CNOT1: variants seen among roughly 807,000 people sequenced by gnomAD.
CNOT1 encodes CCR4-associated factor 1.
Under a neutral mutation model 273.8 loss-of-function variants are expected in CNOT1, and 15 were observed. The observed-to-expected ratio is 0.05, with a 90% CI of 0.04 to 0.08. The LOEUF (loss-of-function observed/expected upper bound fraction) is 0.08, where lower values mean the gene tolerates loss of function less well. Among genes scored for constraint, CNOT1 ranks in the 10% least tolerant of loss-of-function variants. The pLI is 1.00. For synonymous variants in CNOT1, 1,022 were observed against 1,005.5 expected (o/e 1.02, Z -0.31); for missense variants, 1,644 against 2,912.2 (o/e 0.56, Z 10.02).
chr16:58,628,429 C>T (rs1415744676), intron 1 of CNOT1, among the ~76,000 whole-genome samples: 1 of 152,138 alleles, frequency 6.6e-6, no homozygotes, highest in East Asian at 1.9e-4. Flanking sequence ...AACCCAAGTA[C>T]CTATAGAAAA....
chr16:58,546,844 A>G, intron 27 of CNOT1, 95 bp from the exon 28 acceptor site: 5 of 1,448,830 alleles, frequency 3.5e-6, no homozygotes, highest in Non-Finnish European at 4.7e-6. Context: ...GGTAGGGGGG[A>G]GTCAAACAAA....
At chr16:58,574,929 A>G in intron 15 of CNOT1, 78 bp downstream of exon 15, 1 of 1,577,050 alleles carries the variant, frequency 6.3e-7, no homozygotes, top group Non-Finnish European at 8.6e-7. Context: ...CTGCTGCACA[A>G]ATTTTAAAAG....
Position 58,538,204 on chromosome 16 carries a change from C to T in CNOT1, c.5198G>A (p.Arg1733His), listed in dbSNP as rs185344213. 9.9e-6 allele frequency: 15 copies of T among 1,521,936 alleles called. No individual in the cohort carries two copies. Among genetic ancestry groups the T allele is most frequent in the East Asian group, 2.2e-5 (1 of 44,454 alleles). The allele number at this position is 1,521,936 out of a possible 1,614,324, so 94.3% of individuals were successfully genotyped here. ...YNVEAVELLI[R>H]NHLVNMQQYD... ...CTGCTGCATATTAACCAAATGATTG[C>T]GAATTAGCAGCTCCACAGCCTCCAC... is the stretch of plus-strand genomic sequence containing the variant. Residue 1733 changes from arginine (R) to histidine (H), a missense_variant, in exon 37 of 49, where the codon CGC becomes CAC. Around this residue, in one of 13 missense-constraint regions of CNOT1, gnomAD observed 170 missense variants for 273.1 expected, o/e 0.62. Transcript: ENST00000317147.
intron 1 of CNOT1, among the ~76,000 whole-genome samples, chr16:58,627,403 C>CAAAAAAAAA (rs754338444): frequency 1.5e-4 from 10 of 65,154 alleles, no homozygotes; most frequent in East Asian, 5.2e-4. Context: ...GACTCCATCT[C>CAAAAAAAAA]AAAAAAAAAA....
intron 21 of CNOT1, among the ~76,000 whole-genome samples, chr16:58,554,719 C>T (rs866673517): frequency 2.0e-5 from 3 of 151,810 alleles, no homozygotes; most frequent in Admixed American, 6.6e-5. Context: ...GTGGATCACC[C>T]GAGGTCAGGA....
At chr16:58,598,801 C>T (rs537619408) in intron 2 of CNOT1, among the ~76,000 whole-genome samples, 1 of 152,160 alleles carries the variant, frequency 6.6e-6, no homozygotes, top group African/African-American at 2.4e-5. Flanking sequence ...GTGGCTCACG[C>T]CTGTAATCCC....
At chr16:58,594,632 C>T (rs950688581) in intron 2 of CNOT1, among the ~76,000 whole-genome samples, 40 of 150,978 alleles carry the variant, frequency 2.6e-4, no homozygotes, top group Admixed American at 4.0e-4. Context: ...GGTGAAACCC[C>T]ACCTCTCTTA....
At chr16:58,603,977 A>C (rs2042573597) in intron 1 of CNOT1, among the ~76,000 whole-genome samples, 1 of 152,236 alleles carries the variant, frequency 6.6e-6, no homozygotes, top group African/African-American at 2.4e-5. Context: ...CATGTCCCAT[A>C]GTAAGAACTC....
chr16:58,521,406 G>A, intron 47 of CNOT1, 89 bp from the exon 48 acceptor site: 1 of 1,363,628 alleles, frequency 7.3e-7, no homozygotes, highest in South Asian at 1.4e-5. Flanking sequence ...ACTTCTCCCT[G>A]ACTATTGAAC....
Position 58,587,186 on chromosome 16 carries a change from G to C in CNOT1, c.433+15C>G. ...AAAGTCTCACTTCGTGATATTTTTGGAAAAAGTAACTCACCGAAACCTCTA... is the reference window on the plus strand; with the variant it reads ...AAAGTCTCACTTCGTGATATTTTTGCAAAAAGTAACTCACCGAAACCTCTA... On this transcript the variant is annotated intron_variant, in intron 6 of 48. Coordinates refer to ENST00000317147, the MANE Select transcript of CNOT1 (RefSeq NM_016284.5). 1 of 1,608,140 alleles carries C rather than the reference G, an allele frequency of 6.2e-7. No homozygotes were observed. Among genetic ancestry groups the C allele is most frequent in the Non-Finnish European group, 8.5e-7 (1 of 1,178,546 alleles).
chr16:58,553,927 G>T, intron 21 of CNOT1, 67 bp from the exon 22 acceptor site: 1 of 1,506,148 alleles, frequency 6.6e-7, no homozygotes, highest in Non-Finnish European at 8.8e-7. Context: ...AAATGTTTTT[G>T]TCCAAATGCT....
intron 1 of CNOT1, among the ~76,000 whole-genome samples, chr16:58,622,767 A>T (rs1247206188): frequency 6.6e-6 from 1 of 151,776 alleles, no homozygotes. Flanking sequence ...TCGTCTCTTG[A>T]AACCTGGAGG....
chr16:58,580,090 A>G (rs1189604916), intron 12 of CNOT1, among the ~76,000 whole-genome samples: 3 of 151,970 alleles, frequency 2.0e-5, no homozygotes, highest in Non-Finnish European at 4.4e-5. Context: ...AGCACTTGTA[A>G]TCCTAGCTAC....
At chr16:58,609,476 G>A (rs2042812595) in intron 1 of CNOT1, among the ~76,000 whole-genome samples, 1 of 152,058 alleles carries the variant, frequency 6.6e-6, no homozygotes. Context: ...ATTTTGGAGG[G>A]GTGGGAGAGA....
chr16:58,527,826 GA>G (rs2039646924), intron 44 of CNOT1: 2 of 195,366 alleles, frequency 1.0e-5, no homozygotes, highest in African/African-American at 2.4e-5. Context: ...GTGAAATATG[GA>G]GACTATGGCA....
chr16:58,540,168 G>A, intron 34 of CNOT1: 1 of 443,514 alleles, frequency 2.3e-6, no homozygotes, highest in Non-Finnish European at 3.9e-6. Flanking sequence ...CATAAGGGAA[G>A]AGGTGTTTCA....
intron 1 of CNOT1, among the ~76,000 whole-genome samples, chr16:58,628,802 A>C (rs1465783141): frequency 1.3e-5 from 2 of 152,252 alleles, no homozygotes; most frequent in African/African-American, 4.8e-5. Context: ...ACAGATGTCA[A>C]GCATTCTTTT....
Position 58,582,283 on chromosome 16 carries a change from C to T in CNOT1, c.1044+510G>A, listed in dbSNP as rs147645337. On this transcript the variant is annotated intron_variant, in intron 10 of 48. Transcript: ENST00000317147. Reference sequence around the variant, plus strand: ...CTTCAGCCTGGCCAACAGAGTGAGACTCCGTCTAAAAAAAACAAACAAAAA... The same window carrying T: ...CTTCAGCCTGGCCAACAGAGTGAGATTCCGTCTAAAAAAAACAAACAAAAA... 4.2e-3 allele frequency among the ~76,000 whole-genome samples: 632 copies of T among 152,216 alleles called. 5 individuals are homozygous for T. The highest frequency in any genetic ancestry group is 0.014 in the African/African-American group (591 of 41,540).
chr16:58,551,417 AAT>A, intron 23 of CNOT1, 145 bp from the exon 24 acceptor site: 2 of 1,193,832 alleles, frequency 1.7e-6, no homozygotes, highest in Non-Finnish European at 2.3e-6. Context: ...GTGAACTATT[AAT>A]ATGTTTGCCT....
Sources: gnomAD v4.1 joint callset for allele counts (sites outside exome capture counted in the v4.1 genomes callset) on GRCh38, gnomAD v4.1.1 for gene constraint, gnomAD v4.1.1 regional missense constraint, MANE v1.5 for transcripts, NCBI Gene and HGNC (gene_info 2026-07-23, HGNC 2026-07-21) for gene names.